The following CNTNAP2 variants were observed in gnomAD, a reference collection of about 807,000 sequenced individuals.
CNTNAP2 encodes the protein contactin associated protein 2, also known as contactin-associated protein-like 2.
A neutral mutation model predicts 155.2 loss-of-function variants in CNTNAP2; 98 were observed. The observed-to-expected ratio is 0.63, with a 90% CI of 0.54 to 0.75. The LOEUF (loss-of-function observed/expected upper bound fraction) is 0.75, where lower values mean the gene tolerates loss of function less well. CNTNAP2 is among the 30% of genes least tolerant of loss of function. The probability of loss-of-function intolerance (pLI) is 0.00; values close to 1 mark genes in which losing one functional copy is unlikely to be tolerated. For missense variants in CNTNAP2, 1,727 were observed against 1,688.1 expected (o/e 1.02, Z -0.40); for synonymous variants, 651 against 631.2 (o/e 1.03, Z -0.47).
At chr7:146,960,780 A>AT (rs374281746) in intron 3 of CNTNAP2, among the ~76,000 whole-genome samples, 2,231 of 151,516 alleles carry the variant, frequency 0.015, 15 homozygotes, top group South Asian at 0.028. Flanking sequence ...TAAATATGGT[A>AT]TTTTTTTTTC....
At chr7:148,043,018 G>C (rs1389161313) in intron 15 of CNTNAP2, among the ~76,000 whole-genome samples, 1 of 152,142 alleles carries the variant, frequency 6.6e-6, no homozygotes, top group East Asian at 1.9e-4. Context: ...ATGCTCTCCA[G>C]ACAATTTCAA....
intron 13 of CNTNAP2, among the ~76,000 whole-genome samples, chr7:147,650,908 C>G (rs1795440662): frequency 6.6e-6 from 1 of 152,032 alleles, no homozygotes; most frequent in Non-Finnish European, 1.5e-5. Context: ...GTATGTCCAT[C>G]ATGGATAAAA....
intron 13 of CNTNAP2, among the ~76,000 whole-genome samples, chr7:147,818,300 TAGAC>T (rs1199359121): frequency 6.6e-6 from 1 of 152,186 alleles, no homozygotes; most frequent in Non-Finnish European, 1.5e-5. Context: ...TTCCTATTAA[TAGAC>T]AGTCTTCAAT....
chr7:148,128,924 G>A (rs773678878), intron 16 of CNTNAP2, among the ~76,000 whole-genome samples: 3 of 152,068 alleles, frequency 2.0e-5, no homozygotes, highest in Non-Finnish European at 4.4e-5. Flanking sequence ...CCACATAACC[G>A]CAGTCTCTCC....
At chr7:146,962,625 A>G (rs376187055) in intron 3 of CNTNAP2, among the ~76,000 whole-genome samples, 59 of 152,296 alleles carry the variant, frequency 3.9e-4, no homozygotes, top group Middle Eastern at 3.4e-3. Flanking sequence ...ATCTTGACTC[A>G]CTGCAACCTC....
intron 1 of CNTNAP2, among the ~76,000 whole-genome samples, chr7:146,158,998 C>T (rs1052885702): frequency 3.3e-5 from 5 of 152,112 alleles, no homozygotes; most frequent in African/African-American, 1.2e-4. Context: ...AGAGAAAGGT[C>T]GGGTTACCCA....
chr7:147,026,636 T>C (rs1159598509), intron 3 of CNTNAP2, among the ~76,000 whole-genome samples: 1 of 151,986 alleles, frequency 6.6e-6, no homozygotes, highest in East Asian at 1.9e-4. Flanking sequence ...CTTTTTATTT[T>C]TCCCCAGGAT....
At chr7:147,644,984 CTT>C (rs1225663503) in intron 13 of CNTNAP2, among the ~76,000 whole-genome samples, 1 of 151,916 alleles carries the variant, frequency 6.6e-6, no homozygotes, top group Non-Finnish European at 1.5e-5. Flanking sequence ...TGTTTTTCCT[CTT>C]TTAATTTTTC....
intron 1 of CNTNAP2, among the ~76,000 whole-genome samples, chr7:146,124,017 A>T (rs1797600135): frequency 6.6e-6 from 1 of 152,170 alleles, no homozygotes. Context: ...CAAACGTTGC[A>T]TGTTCTCACT....
intron 12 of CNTNAP2, chr7:147,638,660 T>C (rs1348690491): frequency 8.7e-6 from 3 of 344,086 alleles, no homozygotes; most frequent in Non-Finnish European, 1.8e-5. Flanking sequence ...ATACATATTC[T>C]GATGAGAGCA....
intron 2 of CNTNAP2, among the ~76,000 whole-genome samples, chr7:146,808,114 T>C (rs1456134278): frequency 6.6e-6 from 1 of 152,218 alleles, no homozygotes; most frequent in African/African-American, 2.4e-5. Context: ...GAGCGGCCTG[T>C]CTTAAGTTTC....
intron 2 of CNTNAP2, among the ~76,000 whole-genome samples, chr7:146,798,055 C>A (rs557835728): frequency 1.3e-5 from 2 of 152,238 alleles, no homozygotes; most frequent in South Asian, 4.1e-4. Context: ...GGGAGGATCA[C>A]TTGAGCCTAG....
intron 11 of CNTNAP2, among the ~76,000 whole-genome samples, chr7:147,495,103 C>A (rs1299431759): frequency 6.6e-6 from 1 of 152,070 alleles, no homozygotes; most frequent in Non-Finnish European, 1.5e-5. Context: ...GTAATAAAAG[C>A]ATTAATACAT....
intron 8 of CNTNAP2, among the ~76,000 whole-genome samples, chr7:147,280,055 A>G (rs1449190764): frequency 2.6e-5 from 4 of 151,954 alleles, no homozygotes; most frequent in Non-Finnish European, 5.9e-5. Context: ...TGTATAGTAC[A>G]AATGATGTTT....
At chr7:146,491,412 T>C (rs1031910316) in intron 1 of CNTNAP2, among the ~76,000 whole-genome samples, 1 of 152,002 alleles carries the variant, frequency 6.6e-6, no homozygotes, top group African/African-American at 2.4e-5. Flanking sequence ...TAAGGGAAAA[T>C]CAGAAAGTAA....
At chr7:146,798,026 C>G (rs1013517091) in intron 2 of CNTNAP2, among the ~76,000 whole-genome samples, 2 of 152,220 alleles carry the variant, frequency 1.3e-5, no homozygotes, top group East Asian at 3.9e-4. Flanking sequence ...GTAATCCCAG[C>G]ACTTTGGGAG....
At chr7:146,545,056 G>A (rs1316017783) in intron 1 of CNTNAP2, among the ~76,000 whole-genome samples, 1 of 151,896 alleles carries the variant, frequency 6.6e-6, no homozygotes, top group Non-Finnish European at 1.5e-5. Flanking sequence ...CCAATTCAAG[G>A]TATCTTTGGG....
intron 15 of CNTNAP2, among the ~76,000 whole-genome samples, chr7:148,010,116 A>T (rs1007198361): frequency 6.6e-6 from 1 of 152,082 alleles, no homozygotes; most frequent in Admixed American, 6.5e-5. Context: ...ATCTGATCAC[A>T]TAAATGAATG....
intron 15 of CNTNAP2, 65 bp from the exon 16 acceptor site, chr7:148,118,053 A>G (rs536526382): frequency 1.1e-4 from 164 of 1,537,532 alleles, no homozygotes; most frequent in Non-Finnish European, 1.3e-4. Context: ...AGCAATGGGT[A>G]TCTGTTACAT....
Sources: allele counts gnomAD v4.1 joint callset (sites outside exome capture counted in the v4.1 genomes callset), GRCh38; gene constraint gnomAD v4.1.1; transcripts MANE v1.5; gene names NCBI Gene and HGNC (gene_info 2026-07-23, HGNC 2026-07-21).